The following ZNF221 variants were observed in gnomAD, a reference collection of about 807,000 sequenced individuals.
ZNF221 encodes the protein zinc finger protein 221.
In ZNF221, 10 loss-of-function variants were observed where a neutral mutation model predicts 12.6. The observed-to-expected ratio is 0.79, with a 90% CI of 0.49 to 1.34. ZNF221 has a LOEUF of 1.34. ZNF221 is among the 40% of genes most tolerant of loss of function. The pLI is 0.00. For missense variants in ZNF221, 661 were observed against 721.4 expected (o/e 0.92, Z 0.96); for synonymous variants, 232 against 244.0 (o/e 0.95, Z 0.46).
chr19:43,972,473 G>A (rs1463384333), downstream of ZNF221, among the ~76,000 whole-genome samples: 5 of 151,834 alleles, frequency 3.3e-5, no homozygotes, highest in Admixed American at 3.3e-4. Flanking sequence ...AAATCCAGGA[G>A]CTGGTTTTTT....
chr19:43,966,713 G>C lies in ZNF221; in HGVS notation c.1211G>C (p.Arg404Thr). ...YNCKECGKTFRWSSCLLNHQQ... is the reference protein window; with the variant it reads ...YNCKECGKTFTWSSCLLNHQQ... The stretch of plus-strand genomic sequence containing the variant: ...TGTAAAGAATGTGGGAAGACCTTCA[G>C]ATGGTCCTCATGTCTTTTGAACCAT... Residue 404 changes from arginine (R) to threonine (T), a missense_variant, in exon 5 of 5, where the codon AGA (arginine) becomes ACA (threonine). Transcript: ENST00000587682. 6.2e-7 allele frequency: 1 copy of C among 1,614,182 alleles called. No individual in the cohort carries two copies. Among genetic ancestry groups the C allele is most frequent in the African/African-American group, 1.3e-5 (1 of 75,060 alleles).
rs1202097459 is a variant in ZNF221 at position 43,965,336 on chromosome 19, A to G, written c.301+11A>G. On this transcript the variant is annotated intron_variant, in intron 4 of 4. Transcript: ENST00000587682. ...GAGAAGGGAATTCAGGTAAGAACCA[A>G]GTAACTGTGCATCCTTGTACATGAC... 3.1e-6 allele frequency: 5 copies of G among 1,604,876 alleles called. No homozygotes were observed. The highest frequency in any genetic ancestry group is 4.3e-6 in the Non-Finnish European group (5 of 1,174,242).
chr19:43,957,123 T>C (rs1974769270), intron 1 of ZNF221, among the ~76,000 whole-genome samples: 1 of 152,230 alleles, frequency 6.6e-6, no homozygotes, highest in Admixed American at 6.5e-5. Flanking sequence ...AGTCTGTTTA[T>C]ACTTCCAGTT....
Position 43,966,287 on chromosome 19 carries a change from G to T in ZNF221, c.785G>T (p.Gly262Val), listed in dbSNP as rs1974952348. 6.2e-7 allele frequency: 1 copy of T among 1,613,300 alleles called. No individual in the cohort carries two copies. The highest frequency in any genetic ancestry group is 8.5e-7 in the Non-Finnish European group (1 of 1,179,290). Residue 262 changes from glycine to valine, a missense_variant, in exon 5 of 5, where the codon GGC becomes GTC. Transcript: ENST00000587682. ...KPFKCGQCGK[G>V]FHSRSALNVH... Reference sequence around the variant, plus strand: ...TTCAAATGTGGGCAATGTGGGAAAGGCTTCCATAGTAGATCAGCACTTAAT... The same window carrying T: ...TTCAAATGTGGGCAATGTGGGAAAGTCTTCCATAGTAGATCAGCACTTAAT...
the ZNF221 span, among the ~76,000 whole-genome samples, chr19:43,973,624 C>CAT: frequency 3.3e-5 from 5 of 151,918 alleles, no homozygotes; most frequent in Non-Finnish European, 5.9e-5. Context: ...AGCAGAGAGC[C>CAT]GAATCATGAA....
intron 1 of ZNF221, among the ~76,000 whole-genome samples, chr19:43,957,350 T>G (rs983658173): frequency 2.0e-5 from 3 of 152,036 alleles, no homozygotes; most frequent in Admixed American, 6.6e-5. Context: ...CTGGCTAATT[T>G]TTAGTAGAGA....
rs767535369 is a variant in ZNF221 at position 43,962,740 on chromosome 19, C to A, written c.14C>A (p.Ser5Ter). MISP[S>*]LELLHSGLCK... The stretch of plus-strand genomic sequence containing the variant: ...CACTTTCCAGGCATGATTTCACCTT[C>A]ACTTGAACTGCTTCATTCAGGACTC... The change falls in exon 2 of 5, where the codon TCA (serine) becomes TAA (stop). Residue 5 changes from serine to a stop codon, truncating the protein, a stop_gained. Transcript: ENST00000587682. LOFTEE classifies it high-confidence loss of function. 2 of 1,613,878 alleles carry A rather than the reference C, an allele frequency of 1.2e-6. No individual in the cohort carries two copies. The highest frequency in any genetic ancestry group is 2.7e-5 in the African/African-American group (2 of 74,926).
At chr19:43,981,118 A>G in the ZNF221 span, among the ~76,000 whole-genome samples, 1 of 152,352 alleles carries the variant, frequency 6.6e-6, no homozygotes, top group South Asian at 2.1e-4. Flanking sequence ...ACTCAACATA[A>G]AAATGGGTAA....
In ZNF221 at chr19:43,966,959, G is replaced by A. The variant is rs200429123; in HGVS notation, c.1457G>A (p.Ser486Asn). 1.9e-6 allele frequency: 3 copies of A among 1,614,196 alleles called. No individual in the cohort carries two copies. Among genetic ancestry groups the A allele is most frequent in the Admixed American group, 1.7e-5 (1 of 60,020 alleles). Residue 486 changes from serine to asparagine, a missense_variant, in exon 5 of 5, where the codon AGC becomes AAC. Physicochemically the swap from Ser to Asn is conservative, Grantham distance 46. Coordinates refer to ENST00000587682, the MANE Select transcript of ZNF221 (RefSeq NM_001297588.2). Reference sequence around the variant, plus strand: ...TATAATTGTAAGGAATGTGGCAAGAGCTTTGGCTGGGCCTCCTGTCTTTTG... The same window carrying A: ...TATAATTGTAAGGAATGTGGCAAGAACTTTGGCTGGGCCTCCTGTCTTTTG... ...RPYNCKECGK[S>N]FGWASCLLKH...
chr19:43,973,229 G>C, the ZNF221 span, among the ~76,000 whole-genome samples: 2 of 152,034 alleles, frequency 1.3e-5, no homozygotes, highest in Non-Finnish European at 2.9e-5. Context: ...CTGTAAACTA[G>C]GTACTGAAGG....
At position 43,965,895 on chromosome 19, in the gene ZNF221, T is replaced by A. The variant is rs757213805; in HGVS notation, c.393T>A (p.Ser131Arg). 6 of 1,614,064 alleles carry A rather than the reference T, an allele frequency of 3.7e-6. No homozygotes were observed. Among genetic ancestry groups the A allele is most frequent in the Non-Finnish European group, 5.1e-6 (6 of 1,180,016 alleles). Residue 131 changes from serine to arginine, a missense_variant, in exon 5 of 5, where the codon AGT becomes AGA. Ser to Arg is a moderately radical substitution (Grantham distance 110). Transcript: ENST00000587682. ...AGCAAATATGGGAACAAATTGCAAG[T>A]GACCTAACCAGGTCTCAAAACTCCA... ...SCQQIWEQIASDLTRSQNSIR... is the reference protein window; with the variant it reads ...SCQQIWEQIARDLTRSQNSIR...
downstream of ZNF221, among the ~76,000 whole-genome samples, chr19:43,972,707 T>C (rs186569403): frequency 1.2e-3 from 165 of 140,670 alleles, no homozygotes; most frequent in Non-Finnish European, 1.4e-3. Context: ...CTGGAAGAAA[T>C]TGAATCCTTG....
At position 43,967,398 on chromosome 19, in the gene ZNF221, A is replaced by C; in HGVS notation, c.*42A>C. On this transcript the variant is annotated 3_prime_UTR_variant, in exon 5 of 5. Transcript: ENST00000587682. Reference sequence around the variant, plus strand: ...AAGGGCTTTGGCTGGGCCTCAACTCATCTGACCCATCAATTCTCCACAGCA... The same window carrying C: ...AAGGGCTTTGGCTGGGCCTCAACTCCTCTGACCCATCAATTCTCCACAGCA... The C allele has an allele frequency of 3.8e-5, 54 of 1,439,948 alleles. No homozygotes were observed. Among genetic ancestry groups the C allele is most frequent in the Middle Eastern group, 1.8e-4 (1 of 5,574 alleles). The allele number at this position is 1,439,948 out of a possible 1,614,324, so 89.2% of individuals were successfully genotyped here.
chr19:43,966,717 G>T lies in ZNF221; in HGVS notation c.1215G>T (p.Trp405Cys), dbSNP rs1568478968. The T allele has an allele frequency of 2.5e-6, 4 of 1,614,210 alleles. No homozygotes were observed. The highest frequency in any genetic ancestry group is 2.5e-6 in the Non-Finnish European group (3 of 1,180,046). ...NCKECGKTFR[W>C]SSCLLNHQQV... The stretch of plus-strand genomic sequence containing the variant: ...AAGAATGTGGGAAGACCTTCAGATG[G>T]TCCTCATGTCTTTTGAACCATCAGC... The change falls in exon 5 of 5, where the codon TGG becomes TGT. Residue 405 changes from tryptophan to cysteine, a missense_variant. Trp to Cys is a radical substitution (Grantham distance 215, BLOSUM62 -2). Transcript: ENST00000587682.
At chr19:43,968,256 T>C (rs531686929), downstream of ZNF221, among the ~76,000 whole-genome samples, 2 of 152,324 alleles carry the variant, frequency 1.3e-5, no homozygotes, top group Admixed American at 1.3e-4. Flanking sequence ...CCTTTGTAAT[T>C]TGGGGCTTCA....
chr19:43,961,216 G>T (rs998900607), intron 1 of ZNF221, among the ~76,000 whole-genome samples: 4 of 152,162 alleles, frequency 2.6e-5, no homozygotes, highest in African/African-American at 9.7e-5. Flanking sequence ...AAGTAGCTGG[G>T]ATTACAGGCT....
rs1974957494 is a variant in ZNF221 at position 43,966,413 on chromosome 19, A to G, written c.911A>G (p.His304Arg). 13 of 1,614,106 alleles carry G rather than the reference A, an allele frequency of 8.1e-6. No homozygotes were observed. The highest frequency in any genetic ancestry group is 1.0e-5 in the Non-Finnish European group (12 of 1,179,998). Residue 304 changes from histidine to arginine, a missense_variant, in exon 5 of 5, where the codon CAT becomes CGT. Coordinates refer to ENST00000587682, the MANE Select transcript of ZNF221 (RefSeq NM_001297588.2). The stretch of plus-strand genomic sequence containing the variant: ...CAGCTTCAAGAACATCAGAGAATCC[A>G]TACTGGGGAGAAGCCATTCAAATGT... ...DSQLQEHQRI[H>R]TGEKPFKCDI...
At chr19:43,962,686 T>C (rs1490832244) in intron 1 of ZNF221, 39 bp from the exon 2 acceptor site, 1 of 1,588,600 alleles carries the variant, frequency 6.3e-7, no homozygotes, top group East Asian at 2.2e-5. Flanking sequence ...CTAGTTACCA[T>C]TTCCTGTCTG....
At chr19:43,971,636 C>T (rs1975098142), downstream of ZNF221, among the ~76,000 whole-genome samples, 1 of 45,162 alleles carries the variant, frequency 2.2e-5, no homozygotes, top group African/African-American at 6.5e-5. Flanking sequence ...GACTTTAAAC[C>T]AACAAAGATA....
Sources: allele counts gnomAD v4.1 joint callset (sites outside exome capture counted in the v4.1 genomes callset), GRCh38; gene constraint gnomAD v4.1.1; transcripts MANE v1.5; gene names NCBI Gene and HGNC (gene_info 2026-07-23, HGNC 2026-07-21).